The following KCNAB2 variants were observed in gnomAD, a reference collection of about 807,000 sequenced individuals.
KCNAB2 encodes voltage-gated potassium channel subunit beta-2.
KCNAB2 carries 29 observed loss-of-function variants against 63.6 expected under a neutral mutation model. The ratio of observed to expected loss-of-function variants is 0.46; its 90% CI spans 0.34 to 0.62. KCNAB2 has a LOEUF of 0.62. Among genes scored for constraint, KCNAB2 ranks in the 20% least tolerant of loss-of-function variants. The pLI, the probability that KCNAB2 is intolerant of heterozygous loss-of-function variation, is 0.01. For missense variants in KCNAB2, 359 were observed against 563.9 expected (o/e 0.64, Z 3.68); for synonymous variants, 222 against 224.2 (o/e 0.99, Z 0.09).
intron 5 of KCNAB2, among the ~76,000 whole-genome samples, chr1:6,084,527 G>A (rs556849040): frequency 1.3e-5 from 2 of 152,330 alleles, no homozygotes; most frequent in South Asian, 4.1e-4. Flanking sequence ...TTTGAAAAAA[G>A]ATACTTGTCC....
intron 2 of KCNAB2, among the ~76,000 whole-genome samples, chr1:6,058,363 C>G (rs970676856): frequency 6.6e-6 from 1 of 152,216 alleles, no homozygotes; most frequent in Admixed American, 6.5e-5. Context: ...CTTGAGCCTG[C>G]GGGGACATCC....
At chr1:6,046,939 A>G (rs1343702895) in intron 1 of KCNAB2, among the ~76,000 whole-genome samples, 1 of 152,170 alleles carries the variant, frequency 6.6e-6, no homozygotes, top group African/African-American at 2.4e-5. Flanking sequence ...TGAGGTTAAC[A>G]TCTTCCTTGC....
At chr1:6,084,529 T>C (rs887693263) in intron 5 of KCNAB2, among the ~76,000 whole-genome samples, 1 of 152,344 alleles carries the variant, frequency 6.6e-6, no homozygotes, top group East Asian at 1.9e-4. Context: ...TGAAAAAAGA[T>C]ACTTGTCCCG....
At chr1:6,091,922 G>T (rs1399624317) in intron 10 of KCNAB2, among the ~76,000 whole-genome samples, 1 of 152,196 alleles carries the variant, frequency 6.6e-6, no homozygotes, top group Non-Finnish European at 1.5e-5. Context: ...AACCACAGGA[G>T]CCGGCAGCCT....
chr1:6,073,229 A>G lies in KCNAB2; in HGVS notation c.262+431A>G, dbSNP rs964507254. 1.3e-5 allele frequency among the ~76,000 whole-genome samples: 2 copies of G among 151,984 alleles called. No individual in the cohort carries two copies. The highest frequency in any genetic ancestry group is 4.8e-5 in the African/African-American group (2 of 41,348). ...TACAAGGCCTGTTTCCAGAATGTGC[A>G]GTCCCCACCTCCCCTCTGCATGCAG... is the stretch of plus-strand genomic sequence containing the variant. On this transcript the variant is annotated intron_variant, in intron 3 of 15. Transcript: ENST00000378083. The surrounding 1 kb of genome is among the most constrained non-coding windows in gnomAD (Gnocchi z 5.7).
chr1:6,079,580 C>T (rs568956576), intron 4 of KCNAB2, among the ~76,000 whole-genome samples: 8 of 152,014 alleles, frequency 5.3e-5, no homozygotes, highest in Non-Finnish European at 1.0e-4. Context: ...CTTGGATGAA[C>T]CTTGAACCTT....
upstream of KCNAB2, among the ~76,000 whole-genome samples, chr1:6,032,886 A>C (rs901657850): frequency 1.2e-4 from 18 of 152,264 alleles, no homozygotes; most frequent in Admixed American, 1.1e-3. Context: ...AAAAAAGGTC[A>C]ATGTCATAAA....
intron 5 of KCNAB2, among the ~76,000 whole-genome samples, chr1:6,083,787 C>T (rs1664418431): frequency 6.6e-6 from 1 of 152,224 alleles, no homozygotes; most frequent in South Asian, 2.1e-4. Context: ...CCCGAGGCCC[C>T]TTGCTTCTCC....
intron 1 of KCNAB2, among the ~76,000 whole-genome samples, chr1:6,048,507 C>T (rs1280346069): frequency 6.6e-6 from 1 of 152,344 alleles, no homozygotes; most frequent in East Asian, 1.9e-4. Context: ...CAGAGCTGCC[C>T]CTGTCCAGAA....
intron 1 of KCNAB2, among the ~76,000 whole-genome samples, chr1:6,015,792 C>T (rs1658461611): frequency 1.3e-5 from 2 of 152,158 alleles, no homozygotes; most frequent in African/African-American, 4.8e-5. Context: ...GCAGCCTCCA[C>T]CTCCCCGGGC....
At chr1:6,082,379 C>T (rs34308142) in intron 5 of KCNAB2, 105 bp downstream of exon 5, 67,255 of 833,836 alleles carry the variant, frequency 0.081, 3,035 homozygotes, top group Middle Eastern at 0.1. Flanking sequence ...CACAAATGCA[C>T]CTTGCACCCT....
chr1:6,042,852 C>CG (rs1553122368), upstream of KCNAB2, among the ~76,000 whole-genome samples: 5 of 129,198 alleles, frequency 3.9e-5, 1 homozygote, highest in Non-Finnish European at 6.7e-5. Flanking sequence ...CACCCCCCCC[C>CG]CCGTTTGCCA....
chr1:6,041,640 G>A (rs1181581293), upstream of KCNAB2: 9 of 583,736 alleles, frequency 1.5e-5, no homozygotes, highest in Non-Finnish European at 2.8e-5. Context: ...ACCGGGTGGC[G>A]CTGCTGCAGA....
At chr1:6,049,356 C>T (rs1379017879) in intron 1 of KCNAB2, among the ~76,000 whole-genome samples, 1 of 152,240 alleles carries the variant, frequency 6.6e-6, no homozygotes, top group Admixed American at 6.5e-5. Context: ...TGGACTCAAC[C>T]TTCAGGGGAG....
At chr1:6,055,339 C>G (rs1327909348) in intron 2 of KCNAB2, among the ~76,000 whole-genome samples, 1 of 150,410 alleles carries the variant, frequency 6.6e-6, no homozygotes, top group Non-Finnish European at 1.5e-5. Context: ...GTGGAGGAGA[C>G]CAGAAGACAA....
At chr1:6,030,527 ATG>A (rs35807332), upstream of KCNAB2, among the ~76,000 whole-genome samples, 14 of 147,772 alleles carry the variant, frequency 9.5e-5, no homozygotes, top group East Asian at 2.2e-3. Flanking sequence ...GTATGTGTGT[ATG>A]TGTGTGTACA....
chr1:6,036,710 T>C (rs1660066316), intron 1 of KCNAB2, among the ~76,000 whole-genome samples: 1 of 151,870 alleles, frequency 6.6e-6, no homozygotes, highest in Non-Finnish European at 1.5e-5. Context: ...GCAGGTGGCT[T>C]TGAGCACAGA....
At position 6,087,768 on chromosome 1, in the gene KCNAB2, AAAG is replaced by A. The variant is rs1350361432; in HGVS notation, c.470+261_470+263del. On this transcript the variant is annotated intron_variant, in intron 7 of 15. Coordinates refer to ENST00000378083, the MANE Select transcript of KCNAB2 (RefSeq NM_001199862.2). The surrounding 1 kb of genome is among the most constrained non-coding windows in gnomAD (Gnocchi z 6.4). The stretch of plus-strand genomic sequence containing the variant: ...CCTGTTAAGGGACGTCAAATCCAGA[AAAG>A]AAGCTGTGGCCGAGTTTGCCTTTTA... 6.6e-6 allele frequency among the ~76,000 whole-genome samples: 1 copy of A among 152,228 alleles called. No individual in the cohort carries two copies. The highest frequency in any genetic ancestry group is 1.5e-5 in the Non-Finnish European group (1 of 68,048).
chr1:6,075,108 T>C (rs544441417), intron 4 of KCNAB2, among the ~76,000 whole-genome samples: 7 of 152,350 alleles, frequency 4.6e-5, no homozygotes, highest in Non-Finnish European at 8.8e-5. Context: ...GTTGGAGCCC[T>C]GGGGCCCATA....
Sources: gnomAD v4.1 joint callset for allele counts (sites outside exome capture counted in the v4.1 genomes callset) on GRCh38, gnomAD v4.1.1 for gene constraint, Gnocchi (gnomAD v3.1) non-coding constraint, MANE v1.5 for transcripts, NCBI Gene and HGNC (gene_info 2026-07-23, HGNC 2026-07-21) for gene names.